The following NCR3LG1 variants were observed in gnomAD, a reference collection of about 807,000 sequenced individuals.
NCR3LG1 encodes natural killer cell cytotoxicity receptor 3 ligand 1, also known as natural cytotoxicity triggering receptor 3 ligand 1.
NCR3LG1 carries 35 observed loss-of-function variants against 34.8 expected under a neutral mutation model. The ratio of observed to expected loss-of-function variants is 1.01; its 90% CI spans 0.77 to 1.33. The LOEUF (loss-of-function observed/expected upper bound fraction) is 1.33. Among genes scored for constraint, NCR3LG1 ranks in the 40% most tolerant of loss-of-function variants. The pLI, the probability that NCR3LG1 is intolerant of heterozygous loss-of-function variation, is 0.00. For missense variants in NCR3LG1, 452 were observed against 423.3 expected (o/e 1.07, Z -0.60); for synonymous variants, 173 against 163.6 (o/e 1.06, Z -0.44).
rs768908052 is a variant in NCR3LG1 at position 17,356,996 on chromosome 11, T to G, written c.416T>G (p.Val139Gly). ...GCACAGGGAACAGTCCAGCTTGAAG[T>G]TGTGGGTGAGTGTCTCGGGGCAGTG... Reference protein sequence around the residue: ...LKAQGTVQLEVVASPASRLLL... With the variant: ...LKAQGTVQLEGVASPASRLLL... Residue 139 changes from valine to glycine, a missense_variant, in exon 2 of 5, where the codon GTT becomes GGT. Val to Gly is a moderately radical substitution (Grantham distance 109). Coordinates refer to ENST00000338965, the MANE Select transcript of NCR3LG1 (RefSeq NM_001202439.3). The G allele has an allele frequency of 1.3e-6, 2 of 1,514,056 alleles. No homozygotes were observed. Among genetic ancestry groups the G allele is most frequent in the Non-Finnish European group, 1.8e-6 (2 of 1,134,024 alleles). 93.8% of individuals were successfully genotyped at this position (1,514,056 alleles called of 1,614,324 possible).
At chr11:17,380,682 G>C (rs1953508997), downstream of NCR3LG1, 1 of 152,030 alleles carries the variant, frequency 6.6e-6, no homozygotes, top group African/African-American at 2.4e-5. Flanking sequence ...TTGCGATAAG[G>C]TCTCGCTGTA....
chr11:17,359,476 A>G (rs192547987), intron 2 of NCR3LG1, among the ~76,000 whole-genome samples: 1 of 150,746 alleles, frequency 6.6e-6, no homozygotes, highest in Admixed American at 6.6e-5. Context: ...TTTATCTACT[A>G]GAGTACAGTG....
rs139685122 is a variant in NCR3LG1 at position 17,352,603 on chromosome 11, T to C, written c.70+564T>C. The stretch of plus-strand genomic sequence containing the variant: ...AGCGGAAACGGTGCTTCCTTGGATG[T>C]CGCGCGTTTGGTGCCTCGGTATTTG... On this transcript the variant is annotated intron_variant, in intron 1 of 4. Transcript: ENST00000338965. 8.1e-3 allele frequency among the ~76,000 whole-genome samples: 1,236 copies of C among 152,300 alleles called. 16 individuals are homozygous for C. The highest frequency in any genetic ancestry group is 0.028 in the African/African-American group (1,178 of 41,558).
At chr11:17,381,436 GA>G (rs1433931088), downstream of NCR3LG1, 1 of 152,596 alleles carries the variant, frequency 6.6e-6, no homozygotes, top group Non-Finnish European at 1.5e-5. Context: ...GCCCTCCTTG[GA>G]TGGAACTATG....
At chr11:17,368,758 T>A in intron 3 of NCR3LG1, 109 bp from the exon 4 acceptor site, 1 of 743,520 alleles carries the variant, frequency 1.3e-6, no homozygotes, top group Non-Finnish European at 2.3e-6. Flanking sequence ...GGTGGTTAAA[T>A]CTCTGACAAG....
rs1189030456 is a variant in NCR3LG1 at position 17,356,770 on chromosome 11, A to C, written c.190A>C (p.Thr64Pro). 6.5e-7 allele frequency: 1 copy of C among 1,536,314 alleles called. No individual in the cohort carries two copies. The highest frequency in any genetic ancestry group is 2.0e-5 in the Admixed American group (1 of 51,000). Residue 64 changes from threonine (T) to proline (P), a missense_variant, in exon 2 of 5, where the codon ACC (threonine) becomes CCC (proline). Coordinates refer to ENST00000338965, the MANE Select transcript of NCR3LG1 (RefSeq NM_001202439.3). Reference sequence around the variant, plus strand: ...CCTCAACATCACGTCTATGGGTATCACCTGGTTTTGGAAGAGTCTGACGTT... The same window carrying C: ...CCTCAACATCACGTCTATGGGTATCCCCTGGTTTTGGAAGAGTCTGACGTT... Reference protein sequence around the residue: ...QPLNITSMGITWFWKSLTFDK... With the variant: ...QPLNITSMGIPWFWKSLTFDK...
chr11:17,369,056 A>G, intron 4 of NCR3LG1, 92 bp downstream of exon 4: 1 of 740,830 alleles, frequency 1.3e-6, no homozygotes, highest in Non-Finnish European at 2.2e-6. Flanking sequence ...GCCTCAAGGG[A>G]CAGGCCTGCT....
intron 3 of NCR3LG1, 138 bp downstream of exon 3, chr11:17,367,485 A>T (rs989341888): frequency 2.7e-6 from 2 of 739,330 alleles, no homozygotes; most frequent in African/African-American, 3.6e-5. Context: ...ACCAAGCTGG[A>T]GTCTGGCCTA....
chr11:17,362,808 T>C (rs1364220735), intron 2 of NCR3LG1, among the ~76,000 whole-genome samples: 6 of 148,586 alleles, frequency 4.0e-5, no homozygotes, highest in African/African-American at 1.5e-4. Flanking sequence ...CTTTCTTTCT[T>C]TCTTTCTTTC....
At chr11:17,361,778 C>T (rs186645460) in intron 2 of NCR3LG1, among the ~76,000 whole-genome samples, 186 of 152,206 alleles carry the variant, frequency 1.2e-3, no homozygotes, top group African/African-American at 4.3e-3. Context: ...ATCAGGCTGT[C>T]TGTTAAAAAT....
chr11:17,365,828 A>C (rs1258344484), intron 2 of NCR3LG1, among the ~76,000 whole-genome samples: 4 of 152,196 alleles, frequency 2.6e-5, no homozygotes, highest in African/African-American at 7.2e-5. Context: ...TTCTCAAGCT[A>C]GTCCACACTC....
Position 17,359,636 on chromosome 11 carries a change from C to A in NCR3LG1, c.421+2635C>A, listed in dbSNP as rs1377454639. On this transcript the variant is annotated intron_variant, in intron 2 of 4. Transcript: ENST00000338965. ...AAGCGATTCTCCTGCCTTAGCCTCC[C>A]AGGTAACTAGGATTACAGGTGCCCG... Among the ~76,000 whole-genome samples the A allele has an allele frequency of 1.3e-5, 2 of 151,682 alleles. 1 individual carries two copies. Among genetic ancestry groups the A allele is most frequent in the South Asian group, 4.2e-4 (2 of 4,802 alleles).
In NCR3LG1 at chr11:17,356,960, C is replaced by T; in HGVS notation, c.380C>T (p.Thr127Ile). 2.0e-6 allele frequency: 3 copies of T among 1,534,894 alleles called. No individual in the cohort carries two copies. Among genetic ancestry groups the T allele is most frequent in the Non-Finnish European group, 2.6e-6 (3 of 1,146,216 alleles). ...GAGTACCGATGTGAGGTGGTGGTCA[C>T]CCCTCTGAAGGCACAGGGAACAGTC... ...AGEYRCEVVV[T>I]PLKAQGTVQL... Residue 127 changes from threonine to isoleucine, a missense_variant, in exon 2 of 5, where the codon ACC becomes ATC. Transcript: ENST00000338965.
At position 17,351,839 on chromosome 11, in the gene NCR3LG1, A is replaced by C. The variant is rs1238506669; in HGVS notation, c.-131A>C. On this transcript the variant is annotated 5_prime_UTR_variant, in exon 1 of 5. Coordinates refer to ENST00000338965, the MANE Select transcript of NCR3LG1 (RefSeq NM_001202439.3). ...GATCTGAAGAAGTGGGATGTGCAAAAGCGCCGGCTGGAAATCCCGGCTGTG... is the reference window on the plus strand; with the variant it reads ...GATCTGAAGAAGTGGGATGTGCAAACGCGCCGGCTGGAAATCCCGGCTGTG... 4.1e-6 allele frequency: 3 copies of C among 727,166 alleles called. No homozygotes were observed. The East Asian group carries it at 9.1e-5, about 22-fold the overall frequency. The allele number at this position is 727,166 out of a possible 1,614,324, so 45.0% of individuals were successfully genotyped here. A position where few individuals can be genotyped will look rare whatever the true frequency, so the allele number is the denominator to read the frequency against.
intron 2 of NCR3LG1, among the ~76,000 whole-genome samples, chr11:17,365,995 C>G (rs1181639895): frequency 6.6e-6 from 1 of 152,188 alleles, no homozygotes; most frequent in Non-Finnish European, 1.5e-5. Flanking sequence ...CACTTCAATT[C>G]TCTGAGGAAT....
intron 1 of NCR3LG1, 109 bp downstream of exon 1, chr11:17,352,148 G>T: frequency 1.8e-6 from 1 of 564,102 alleles, no homozygotes; most frequent in Non-Finnish European, 3.0e-6. Context: ...TGGGGGCTGA[G>T]AGCTCTATTT....
At position 17,372,077 on chromosome 11, in the gene NCR3LG1, T is replaced by G; in HGVS notation, c.930T>G (p.Thr310=). 1 of 702,948 alleles carries G rather than the reference T, an allele frequency of 1.4e-6. No individual in the cohort carries two copies. The highest frequency in any genetic ancestry group is 1.5e-5 in the South Asian group (1 of 67,598). The allele number at this position is 702,948 out of a possible 1,614,324, so 43.5% of individuals were successfully genotyped here. A position where few individuals can be genotyped will look rare whatever the true frequency, so the allele number is the denominator to read the frequency against. Residue 310 remains threonine (T), a synonymous_variant, in exon 5 of 5, where the codon ACT becomes ACG. Coordinates refer to ENST00000338965, the MANE Select transcript of NCR3LG1 (RefSeq NM_001202439.3). ...TGAAACACTGGAACTCCTTTGACAC[T>G]CAGACTCTGAAGAAAGAGCACCTCA... is the stretch of plus-strand genomic sequence containing the variant. ...CILKHWNSFD[T]QTLKKEHLIF...
chr11:17,352,355 T>C (rs1341794053), intron 1 of NCR3LG1, among the ~76,000 whole-genome samples: 1 of 152,002 alleles, frequency 6.6e-6, no homozygotes, highest in Non-Finnish European at 1.5e-5. Context: ...TAATTTTTTG[T>C]ACTTTTAGTA....
At chr11:17,360,803 C>G (rs922759921) in intron 2 of NCR3LG1, among the ~76,000 whole-genome samples, 5 of 152,168 alleles carry the variant, frequency 3.3e-5, no homozygotes, top group African/African-American at 1.2e-4. Flanking sequence ...GTGACACAAT[C>G]TTGGCTCACT....
Sources: allele counts gnomAD v4.1 joint callset (sites outside exome capture counted in the v4.1 genomes callset), GRCh38; gene constraint gnomAD v4.1.1; transcripts MANE v1.5; gene names NCBI Gene and HGNC (gene_info 2026-07-23, HGNC 2026-07-21).